SEPTIN12: variants seen among roughly 807,000 people sequenced by gnomAD.
SEPTIN12 encodes the protein septin 12, also known as septin-12.
SEPTIN12 carries 42 observed loss-of-function variants against 37.7 expected under a neutral mutation model. The ratio of observed to expected loss-of-function variants is 1.11; its 90% CI spans 0.87 to 1.44. The LOEUF (loss-of-function observed/expected upper bound fraction) is 1.44, where lower values mean the gene tolerates loss of function less well. Ranked by LOEUF, SEPTIN12 falls within the 40% of genes most tolerant of loss-of-function variation. SEPTIN12 has a pLI of 0.00. For missense variants in SEPTIN12, 613 were observed against 479.2 expected (o/e 1.28, Z -2.61); for synonymous variants, 254 against 196.7 (o/e 1.29, Z -2.44).
upstream of SEPTIN12, among the ~76,000 whole-genome samples, chr16:4,789,011 G>A (rs957513657): frequency 2.0e-5 from 3 of 152,168 alleles, no homozygotes; most frequent in Non-Finnish European, 2.9e-5. Context: ...TCTCTGATAA[G>A]CTGTTTCTTT....
intron 2 of SEPTIN12, among the ~76,000 whole-genome samples, chr16:4,786,811 A>G (rs1347173747): frequency 6.6e-6 from 1 of 151,712 alleles, no homozygotes; most frequent in African/African-American, 2.4e-5. Context: ...ATGCCTGGCT[A>G]ATTTTTAAAT....
At chr16:4,780,272 T>TA (rs1366877907) in intron 7 of SEPTIN12, among the ~76,000 whole-genome samples, 1 of 150,514 alleles carries the variant, frequency 6.6e-6, no homozygotes, top group Non-Finnish European at 1.5e-5. Flanking sequence ...ACATTTTTAG[T>TA]AGAGATGAGT....
chr16:4,784,167 C>T lies in SEPTIN12; in HGVS notation c.375-99G>A, dbSNP rs8043725. The T allele has an allele frequency of 0.26, 373,536 of 1,423,330 alleles. 50,743 individuals are homozygous for T. Among genetic ancestry groups the T allele is most frequent in the South Asian group, 0.37 (30,348 of 82,422 alleles). 88.2% of individuals were successfully genotyped at this position (1,423,330 alleles called of 1,614,324 possible). A position where few individuals can be genotyped will look rare whatever the true frequency, so the allele number is the denominator to read the frequency against. On this transcript the variant is annotated intron_variant, in intron 4 of 9. Coordinates refer to ENST00000268231, the MANE Select transcript of SEPTIN12 (RefSeq NM_144605.5). ...TCTGGGCGGTCCTCCCTTGGGACGACGAATCGTCCCGGTTGGCCCGGGACC... is the reference window on the plus strand; with the variant it reads ...TCTGGGCGGTCCTCCCTTGGGACGATGAATCGTCCCGGTTGGCCCGGGACC...
Position 4,787,607 on chromosome 16 carries a change from G to A in SEPTIN12, c.39C>T (p.Ser13=). The change falls in exon 2 of 10, where the codon TCC becomes TCT. Residue 13 remains serine, a synonymous_variant. Transcript: ENST00000268231. ...PLRRSPSPCL[S]SQPSSPSTPP... ...GGGTGCTGGGGCTGGAGGGCTGCGAGGACAGGCAGGGAGAGGGGGAGCGCC... is the reference window on the plus strand; with the variant it reads ...GGGTGCTGGGGCTGGAGGGCTGCGAAGACAGGCAGGGAGAGGGGGAGCGCC... 1 of 1,603,214 alleles carries A rather than the reference G, an allele frequency of 6.2e-7. No homozygotes were observed. Among genetic ancestry groups the A allele is most frequent in the Non-Finnish European group, 8.5e-7 (1 of 1,179,082 alleles).
chr16:4,785,183 G>A (rs1039833308), intron 4 of SEPTIN12, among the ~76,000 whole-genome samples: 2 of 151,932 alleles, frequency 1.3e-5, no homozygotes, highest in Admixed American at 6.6e-5. Flanking sequence ...CCCGGGAGGC[G>A]GAGGTTGCAG....
In SEPTIN12 at chr16:4,785,809, G is replaced by C; in HGVS notation, c.372C>G (p.Asn124Lys). 1 of 1,597,900 alleles carries C rather than the reference G, an allele frequency of 6.3e-7. No homozygotes were observed. Among genetic ancestry groups the C allele is most frequent in the African/African-American group, 1.3e-5 (1 of 74,272 alleles). The change falls in exon 4 of 10, where the codon AAC becomes AAG. Residue 124 changes from asparagine (N) to lysine (K), a missense_variant and splice_region_variant. Asn to Lys is a moderately conservative substitution (Grantham distance 94). Coordinates refer to ENST00000268231, the MANE Select transcript of SEPTIN12 (RefSeq NM_144605.5). ...AAAAAAAAAGAGAGAGAACCTACCAGTTGTCATTGTTGATCTGGTCCCCGA... is the reference window on the plus strand; with the variant it reads ...AAAAAAAAAGAGAGAGAACCTACCACTTGTCATTGTTGATCTGGTCCCCGA... ...PGFGDQINND[N>K]CWDPILGYIN...
Position 4,777,737 on chromosome 16 carries a change from G to T in SEPTIN12, c.*60C>A. On this transcript the variant is annotated 3_prime_UTR_variant, in exon 10 of 10. Transcript: ENST00000268231. ...ATTTAATAGATGCTCTGGTACATAG[G>T]TGTGTGTTGAGAGCCGCTGGGGACT... is the stretch of plus-strand genomic sequence containing the variant. 1 of 1,155,624 alleles carries T rather than the reference G, an allele frequency of 8.7e-7. No individual in the cohort carries two copies. The highest frequency in any genetic ancestry group is 1.2e-6 in the Non-Finnish European group (1 of 827,108). 71.6% of individuals were successfully genotyped at this position (1,155,624 alleles called of 1,614,324 possible).
chr16:4,786,165 A>T, intron 2 of SEPTIN12, 60 bp from the exon 3 acceptor site: 1 of 1,522,974 alleles, frequency 6.6e-7, no homozygotes, highest in Non-Finnish European at 8.8e-7. Flanking sequence ...TTTTTCTCTA[A>T]CTCTTTACTT....
intron 4 of SEPTIN12, among the ~76,000 whole-genome samples, chr16:4,784,654 C>T (rs1393376523): frequency 8.0e-6 from 1 of 124,294 alleles, no homozygotes; most frequent in Non-Finnish European, 1.8e-5. Context: ...CCTGTGGTCA[C>T]AGCTACTCAG....
chr16:4,786,213 AC>A, intron 2 of SEPTIN12, 108 bp from the exon 3 acceptor site: 1 of 1,391,380 alleles, frequency 7.2e-7, no homozygotes, highest in Non-Finnish European at 9.6e-7. Flanking sequence ...TCACTCTGTC[AC>A]CCAGGCTGGA....
rs369217064 is a variant in SEPTIN12 at position 4,787,465 on chromosome 16, C to G, written c.166+15G>C. ...CTGTGGGTCTGTCCTGCCGTGGGCC[C>G]TACCTCTCACTCACCCACCACCATG... On this transcript the variant is annotated intron_variant, in intron 2 of 9. Coordinates refer to ENST00000268231, the MANE Select transcript of SEPTIN12 (RefSeq NM_144605.5). The G allele has an allele frequency of 3.7e-6, 6 of 1,610,980 alleles. No homozygotes were observed. The African/African-American group carries it at 8.0e-5, about 22-fold the overall frequency.
chr16:4,778,879 C>T (rs896708991), intron 8 of SEPTIN12, among the ~76,000 whole-genome samples: 3 of 151,642 alleles, frequency 2.0e-5, no homozygotes, highest in Non-Finnish European at 4.4e-5. Flanking sequence ...GTGGCACACG[C>T]CTGTAATCCC....
chr16:4,789,253 C>T (rs1479433409), upstream of SEPTIN12, among the ~76,000 whole-genome samples: 1 of 152,176 alleles, frequency 6.6e-6, no homozygotes, highest in African/African-American at 2.4e-5. Flanking sequence ...CTCAAGTGAT[C>T]CACCAACCCT....
chr16:4,784,031 C>T lies in SEPTIN12; in HGVS notation c.412G>A (p.Glu138Lys), dbSNP rs773035599. The T allele has an allele frequency of 1.7e-5, 27 of 1,614,118 alleles. No homozygotes were observed. Among genetic ancestry groups the T allele is most frequent in the South Asian group, 1.3e-4 (12 of 91,078 alleles). Residue 138 changes from glutamate (E) to lysine (K), a missense_variant, in exon 5 of 10, where the codon GAG (glutamate) becomes AAG (lysine). By Grantham distance (56) the Glu-to-Lys change is moderately conservative. Coordinates refer to ENST00000268231, the MANE Select transcript of SEPTIN12 (RefSeq NM_144605.5). ...PILGYINEQY[E>K]QYLQEEILIT... ...AGGATCTCCTCCTGCAGGTACTGCT[C>T]GTATTGCTCGTTGATGTAGCCCAGG... is the stretch of plus-strand genomic sequence containing the variant.
At position 4,779,744 on chromosome 16, in the gene SEPTIN12, G is replaced by C. The variant is rs1047456299; in HGVS notation, c.769C>G (p.Leu257Val). 20 of 1,613,722 alleles carry C rather than the reference G, an allele frequency of 1.2e-5. No homozygotes were observed. Among genetic ancestry groups the C allele is most frequent in the Non-Finnish European group, 1.5e-5 (18 of 1,179,760 alleles). Residue 257 changes from leucine (L) to valine (V), a missense_variant, in exon 8 of 10, where the codon CTG becomes GTG. By Grantham distance (32) the Leu-to-Val change is conservative. Coordinates refer to ENST00000268231, the MANE Select transcript of SEPTIN12 (RefSeq NM_144605.5). ...CCCAGGACACACCTCCCGTTCACCA[G>C]GTGCTCTTGGTCAGCCCCTACCACG... ...FAVVGADQEH[L>V]VNGRCVLGRK...
Position 4,785,788 on chromosome 16 carries a change from AAAAAG to A in SEPTIN12, c.374+14_374+18del. ...AGTGAAACTCTGCCTAAAAAAAAAA[AAAAAG>A]AGAGAGAACCTACCAGTTGTCATTG... On this transcript the variant is annotated intron_variant, in intron 4 of 9. Transcript: ENST00000268231. The A allele has an allele frequency of 1.9e-6, 3 of 1,561,260 alleles. No individual in the cohort carries two copies. The highest frequency in any genetic ancestry group is 2.6e-6 in the Non-Finnish European group (3 of 1,151,072).
In SEPTIN12 at chr16:4,787,516, T is replaced by C. The variant is rs1263752617; in HGVS notation, c.130A>G (p.Met44Val). Residue 44 changes from methionine to valine, a missense_variant, in exon 2 of 10, where the codon ATG (methionine) becomes GTG (valine). Physicochemically the swap from Met to Val is conservative, Grantham distance 21 (BLOSUM62 1). Transcript: ENST00000268231. Reference sequence around the variant, plus strand: ...ATGTTGAACTCAAACCCCATCTTCATAGCCTTGATCTTCAGCTGGTCCAGC... The same window carrying C: ...ATGTTGAACTCAAACCCCATCTTCACAGCCTTGATCTTCAGCTGGTCCAGC... ...AVLDQLKIKA[M>V]KMGFEFNIMV... is the part of the protein sequence containing the mutation. 4.3e-6 allele frequency: 7 copies of C among 1,613,084 alleles called. No individual in the cohort carries two copies. Among genetic ancestry groups the C allele is most frequent in the East Asian group, 2.2e-5 (1 of 44,882 alleles).
chr16:4,786,968 A>G (rs1045057397), intron 2 of SEPTIN12, among the ~76,000 whole-genome samples: 4 of 151,912 alleles, frequency 2.6e-5, no homozygotes, highest in Non-Finnish European at 4.4e-5. Context: ...TCTGCCTCCC[A>G]GGTTCAAGCA....
chr16:4,778,683 C>A (rs889981389), intron 8 of SEPTIN12, among the ~76,000 whole-genome samples: 1 of 151,736 alleles, frequency 6.6e-6, no homozygotes, highest in Non-Finnish European at 1.5e-5. Context: ...ATCTGTAGTC[C>A]CAGCTATTTG....
Sources: gnomAD v4.1 joint callset for allele counts (sites outside exome capture counted in the v4.1 genomes callset) on GRCh38, gnomAD v4.1.1 for gene constraint, MANE v1.5 for transcripts, NCBI Gene and HGNC (gene_info 2026-07-23, HGNC 2026-07-21) for gene names.